The following PDE4D variants were observed in gnomAD, a reference collection of about 807,000 sequenced individuals.
PDE4D encodes 3',5'-cyclic-AMP phosphodiesterase 4D.
A neutral mutation model predicts 87.4 loss-of-function variants in PDE4D; 24 were observed. The ratio of observed to expected loss-of-function variants is 0.27; its 90% CI spans 0.20 to 0.39. PDE4D has a LOEUF of 0.39. PDE4D is among the 10% of genes least tolerant of loss of function. The probability of loss-of-function intolerance (pLI) is 1.00; values close to 1 mark genes in which losing one functional copy is unlikely to be tolerated. For synonymous variants in PDE4D, 384 were observed against 383.2 expected, an observed-to-expected ratio of 1.00 and a Z score of -0.02; for missense variants, 714 against 1,041.0, an observed-to-expected ratio of 0.69 and a Z score of 4.32.
chr5:59,562,258 T>C (rs181214416), intron 1 of PDE4D, among the ~76,000 whole-genome samples: 9 of 152,334 alleles, frequency 5.9e-5, no homozygotes, highest in Admixed American at 5.9e-4. Flanking sequence ...AGAAGGAATT[T>C]CATATTCCTA....
intron 1 of PDE4D, among the ~76,000 whole-genome samples, chr5:59,401,003 A>C (rs1192621964): frequency 3.9e-5 from 6 of 152,294 alleles, no homozygotes; most frequent in Non-Finnish European, 7.4e-5. Context: ...CCAAAGTCTA[A>C]AACTTTTTGG....
rs184927493 is a variant in PDE4D, at chr5:59,331,392, C to T, written c.456-115424G>A. Among the ~76,000 whole-genome samples, 641 of 152,058 alleles carry T rather than the reference C, an allele frequency of 4.2e-3. 6 individuals are homozygous for T. Among genetic ancestry groups the T allele is most frequent in the South Asian group, 0.027 (128 of 4,826 alleles). ...CCACGTAGTCTTCTCTGCGTGTGCG[C>T]GTGCATCTTAATCTCCTTTTCTTAT... On this transcript the variant is annotated intron_variant, in intron 1 of 14. Transcript: ENST00000340635.
chr5:59,975,247 G>A (rs1761195496), intron 3 of PDE4D, among the ~76,000 whole-genome samples: 1 of 152,042 alleles, frequency 6.6e-6, no homozygotes, highest in Non-Finnish European at 1.5e-5. Flanking sequence ...TGTTGATGTG[G>A]AGGCATCACC....
Position 60,471,592 on chromosome 5 carries a change from A to G in PDE4D, c.-90+16350T>C, listed in dbSNP as rs115908409. Among the ~76,000 whole-genome samples the G allele has an allele frequency of 6.8e-3, 1,030 of 152,292 alleles. 8 individuals carry two copies. The highest frequency in any genetic ancestry group is 0.02 in the Middle Eastern group (6 of 294). ...ATGCAATTGTCACAACCACCCCAAC[A>G]TTCAGAAACCACCATCCTGATCATT... On this transcript the variant is annotated intron_variant, in intron 1 of 16. Coordinates refer to the PDE4D transcript ENST00000502484.
intron 1 of PDE4D, among the ~76,000 whole-genome samples, chr5:59,577,791 T>G (rs1823422572): frequency 6.6e-6 from 1 of 152,160 alleles, no homozygotes; most frequent in Non-Finnish European, 1.5e-5. Flanking sequence ...CACAGTATCC[T>G]CCAGGGTTTA....
chr5:59,713,607 G>T (rs1178134558), intron 1 of PDE4D, among the ~76,000 whole-genome samples: 1 of 152,134 alleles, frequency 6.6e-6, no homozygotes, highest in Non-Finnish European at 1.5e-5. Context: ...GGATCCCAAG[G>T]TGGGCGAGCC....
intron 1 of PDE4D, among the ~76,000 whole-genome samples, chr5:60,348,243 G>A (rs1758894298): frequency 6.6e-6 from 1 of 152,030 alleles, no homozygotes. Context: ...AGAACCTGGG[G>A]AGCAACACTC....
At position 60,072,572 on chromosome 5, in the gene PDE4D, A is replaced by C. The variant is rs376983613; in HGVS notation, c.43-83855T>G. ...TTGCTTTAGGTATCTACATCATAAAATCTTTGCCAGTTCCTATGTCTGGAA... is the reference window on the plus strand; with the variant it reads ...TTGCTTTAGGTATCTACATCATAAACTCTTTGCCAGTTCCTATGTCTGGAA... On this transcript the variant is annotated intron_variant, in intron 2 of 16. Coordinates refer to the PDE4D transcript ENST00000502484. 1.2e-3 allele frequency among the ~76,000 whole-genome samples: 184 copies of C among 152,106 alleles called. 4 individuals are homozygous for C. In the South Asian group the frequency reaches 0.036, roughly 29 times the overall value.
chr5:60,129,010 A>G (rs1779356031), intron 2 of PDE4D, among the ~76,000 whole-genome samples: 1 of 152,192 alleles, frequency 6.6e-6, no homozygotes, highest in South Asian at 2.1e-4. Flanking sequence ...TATTTCTTTG[A>G]TTGACAGTTT....
At chr5:59,283,399 C>T (rs946107967) in intron 1 of PDE4D, among the ~76,000 whole-genome samples, 4 of 151,934 alleles carry the variant, frequency 2.6e-5, no homozygotes, top group African/African-American at 7.2e-5. Context: ...TTTCTCTTAT[C>T]TTTGGATTAT....
chr5:59,306,116 G>C (rs930694250), intron 1 of PDE4D, among the ~76,000 whole-genome samples: 2 of 152,130 alleles, frequency 1.3e-5, no homozygotes, highest in Non-Finnish European at 2.9e-5. Context: ...ATTCCTGTTG[G>C]AGAAGGCCTT....
intron 1 of PDE4D, among the ~76,000 whole-genome samples, chr5:59,771,497 G>A (rs201124981): frequency 0.11 from 5,039 of 46,342 alleles, 237 homozygotes; most frequent in African/African-American, 0.18. Context: ...GAGAGAGAGA[G>A]AGAAGAAAGA....
intron 1 of PDE4D, among the ~76,000 whole-genome samples, chr5:59,353,037 G>C (rs2153587881): frequency 6.6e-6 from 1 of 152,278 alleles, no homozygotes. Flanking sequence ...CTGGCCTGTG[G>C]AATGCTATGG....
At chr5:59,691,163 C>G (rs298082) in intron 1 of PDE4D, among the ~76,000 whole-genome samples, 1 of 151,950 alleles carries the variant, frequency 6.6e-6, no homozygotes, top group Non-Finnish European at 1.5e-5. Flanking sequence ...GACAGTGTGG[C>G]GATTCCTCAA....
At chr5:60,423,605 A>C (rs1236116421) in intron 1 of PDE4D, among the ~76,000 whole-genome samples, 1 of 152,178 alleles carries the variant, frequency 6.6e-6, no homozygotes, top group Non-Finnish European at 1.5e-5. Context: ...AAGATCTAAA[A>C]TCGACACCTT....
intron 1 of PDE4D, among the ~76,000 whole-genome samples, chr5:59,264,788 G>A (rs1762589792): frequency 6.6e-6 from 1 of 151,996 alleles, no homozygotes; most frequent in Admixed American, 6.6e-5. Flanking sequence ...CTAAATGCCT[G>A]CTCTAACGTA....
chr5:59,469,189 G>A (rs1480997768), intron 1 of PDE4D, among the ~76,000 whole-genome samples: 5 of 151,996 alleles, frequency 3.3e-5, no homozygotes, highest in South Asian at 2.1e-4. Context: ...TTAGCAGGGC[G>A]TGGTAGCGGG....
chr5:60,323,769 C>A (rs192190243), intron 1 of PDE4D, among the ~76,000 whole-genome samples: 2 of 150,498 alleles, frequency 1.3e-5, no homozygotes, highest in Admixed American at 6.6e-5. Context: ...CTCCACCCCC[C>A]ACCCGCAGCC....
chr5:59,226,515 G>A (rs1753805889), intron 1 of PDE4D, among the ~76,000 whole-genome samples: 1 of 152,096 alleles, frequency 6.6e-6, no homozygotes, highest in African/African-American at 2.4e-5. Flanking sequence ...GAGAGTTGTT[G>A]TTCAATGTGT....
Sources: allele counts gnomAD v4.1 joint callset (sites outside exome capture counted in the v4.1 genomes callset), GRCh38; gene constraint gnomAD v4.1.1; transcripts MANE v1.5; gene names NCBI Gene and HGNC (gene_info 2026-07-23, HGNC 2026-07-21).